The following DENND1B variants were observed in gnomAD, a reference collection of about 807,000 sequenced individuals.
The protein encoded by DENND1B is DENN domain containing 1B.
A neutral mutation model predicts 90.1 loss-of-function variants in DENND1B; 59 were observed. The ratio of observed to expected loss-of-function variants is 0.65; its 90% CI spans 0.53 to 0.81. The LOEUF (loss-of-function observed/expected upper bound fraction) is 0.81, where lower values mean the gene tolerates loss of function less well. DENND1B is among the 40% of genes least tolerant of loss of function. The pLI, the probability that DENND1B is intolerant of heterozygous loss-of-function variation, is 0.00. For synonymous variants in DENND1B, 337 were observed against 324.6 expected, an observed-to-expected ratio of 1.04 and a Z score of -0.41; for missense variants, 862 against 912.6, an observed-to-expected ratio of 0.94 and a Z score of 0.71.
At chr1:197,639,447 TA>T (rs941243566) in intron 10 of DENND1B, among the ~76,000 whole-genome samples, 3 of 152,166 alleles carry the variant, frequency 2.0e-5, no homozygotes, top group Non-Finnish European at 4.4e-5. Context: ...GTGTCACCAC[TA>T]AAACCTACAG....
chr1:197,606,998 G>T, intron 13 of DENND1B, 75 bp downstream of exon 13: 1 of 1,068,822 alleles, frequency 9.4e-7, no homozygotes, highest in South Asian at 1.4e-5. Context: ...TATTAAAAGT[G>T]GGAAAAATAA....
intron 12 of DENND1B, among the ~76,000 whole-genome samples, chr1:197,610,125 A>G (rs1439258886): frequency 2.0e-5 from 3 of 150,768 alleles, no homozygotes; most frequent in Admixed American, 6.6e-5. Flanking sequence ...TAATAAACCA[A>G]TTAAATAAAA....
intron 1 of DENND1B, among the ~76,000 whole-genome samples, chr1:197,774,330 A>T (rs1234318021): frequency 2.0e-5 from 3 of 152,196 alleles, no homozygotes; most frequent in African/African-American, 7.2e-5. Flanking sequence ...TATACATGGC[A>T]TTATTTTAAA....
chr1:197,575,345 T>A (rs1571935287), intron 15 of DENND1B, among the ~76,000 whole-genome samples: 2 of 152,292 alleles, frequency 1.3e-5, no homozygotes, highest in South Asian at 4.1e-4. Context: ...TCATCATCAC[T>A]GGTCATCAGA....
chr1:197,750,570 C>CTAGATAGA (rs57505824), intron 2 of DENND1B, among the ~76,000 whole-genome samples: 29,002 of 149,092 alleles, frequency 0.19, 2,911 homozygotes, highest in African/African-American at 0.22. Context: ...AAAAGCAAAC[C>CTAGATAGA]TAGATAGATA....
At chr1:197,626,913 A>C (rs1558323210) in intron 10 of DENND1B, among the ~76,000 whole-genome samples, 1 of 152,172 alleles carries the variant, frequency 6.6e-6, no homozygotes, top group Non-Finnish European at 1.5e-5. Context: ...TACGCAAATA[A>C]ACTAGAAAAT....
chr1:197,714,121 C>G (rs372722772), intron 3 of DENND1B, among the ~76,000 whole-genome samples: 2 of 150,202 alleles, frequency 1.3e-5, no homozygotes, highest in East Asian at 2.0e-4. Context: ...AGATTACAGG[C>G]GCACGCCACC....
chr1:197,722,933 T>C (rs1558445090), intron 2 of DENND1B, among the ~76,000 whole-genome samples: 1 of 152,168 alleles, frequency 6.6e-6, no homozygotes, highest in Non-Finnish European at 1.5e-5. Flanking sequence ...ATTATCTTCA[T>C]TCGAATAAGC....
rs144523865 is a variant in DENND1B, at chr1:197,755,591, A to T, written c.82+17277T>A. Among the ~76,000 whole-genome samples, 413 of 152,288 alleles carry T rather than the reference A, an allele frequency of 2.7e-3. 2 individuals are homozygous for T. Among genetic ancestry groups the T allele is most frequent in the African/African-American group, 9.6e-3 (401 of 41,560 alleles). ...AAACTAATAAGAATTTCCATTTTTT[A>T]AAAAATCAAATAAATGAAGAAGTAG... On this transcript the variant is annotated intron_variant, in intron 2 of 22. Transcript: ENST00000620048.
At chr1:197,668,972 T>C (rs1655215615) in intron 5 of DENND1B, among the ~76,000 whole-genome samples, 2 of 152,228 alleles carry the variant, frequency 1.3e-5, no homozygotes, top group South Asian at 2.1e-4. Flanking sequence ...CCCTCAGCAA[T>C]GCTGAGCATC....
chr1:197,524,542 G>A (rs1008763953), intron 20 of DENND1B, among the ~76,000 whole-genome samples: 2 of 152,070 alleles, frequency 1.3e-5, no homozygotes, highest in Non-Finnish European at 2.9e-5. Context: ...AAGTGATGAG[G>A]GTGATGGTTG....
chr1:197,643,142 T>C (rs1451725000), intron 9 of DENND1B, among the ~76,000 whole-genome samples: 1 of 152,004 alleles, frequency 6.6e-6, no homozygotes, highest in Non-Finnish European at 1.5e-5. Context: ...TGTTGAATTG[T>C]CATCTTTAGT....
intron 13 of DENND1B, chr1:197,605,959 A>T (rs528148509): frequency 1.3e-5 from 2 of 150,952 alleles, no homozygotes; most frequent in South Asian, 4.2e-4. Context: ...ACTTTCTCAA[A>T]CTCCTTAATA....
chr1:197,652,056 T>C (rs1409441413), intron 7 of DENND1B, among the ~76,000 whole-genome samples, 179 bp downstream of exon 7: 1 of 152,194 alleles, frequency 6.6e-6, no homozygotes, highest in African/African-American at 2.4e-5. Context: ...TATGAAGTTA[T>C]GATAGTTACA....
chr1:197,641,739 C>T (rs1356408317), intron 10 of DENND1B, among the ~76,000 whole-genome samples: 2 of 151,882 alleles, frequency 1.3e-5, no homozygotes, highest in South Asian at 2.1e-4. Context: ...GCTGTTTGGC[C>T]TTGAAGTGGT....
chr1:197,594,645 T>G (rs911284120), intron 14 of DENND1B, among the ~76,000 whole-genome samples: 1 of 152,104 alleles, frequency 6.6e-6, no homozygotes, highest in Non-Finnish European at 1.5e-5. Flanking sequence ...TCTTAAAAAC[T>G]TGGCTATAAT....
chr1:197,731,540 G>A (rs537806523), intron 2 of DENND1B, among the ~76,000 whole-genome samples: 1 of 152,220 alleles, frequency 6.6e-6, no homozygotes, highest in South Asian at 2.1e-4. Context: ...CGGCATGGTA[G>A]TTACGTGGCT....
At chr1:197,644,338 AGT>A (rs1376724699) in intron 9 of DENND1B, among the ~76,000 whole-genome samples, 2 of 152,242 alleles carry the variant, frequency 1.3e-5, no homozygotes, top group East Asian at 3.8e-4. Flanking sequence ...ACATATTCTC[AGT>A]GGCAGTTTTT....
At chr1:197,587,699 C>T (rs770570518) in intron 14 of DENND1B, among the ~76,000 whole-genome samples, 14 of 152,104 alleles carry the variant, frequency 9.2e-5, no homozygotes, top group Non-Finnish European at 1.8e-4. Flanking sequence ...AATTTTTCCA[C>T]GGACCAGAGG....
Sources: allele counts gnomAD v4.1 joint callset (sites outside exome capture counted in the v4.1 genomes callset), GRCh38; gene constraint gnomAD v4.1.1; transcripts MANE v1.5; gene names NCBI Gene and HGNC (gene_info 2026-07-23, HGNC 2026-07-21).